The following TBC1D22B variants were observed in gnomAD, a reference collection of about 807,000 sequenced individuals.
The protein encoded by TBC1D22B is TBC1 domain family member 22B, also known as chromosome 6 open reading frame 197.
In TBC1D22B, 32 loss-of-function variants were observed where a neutral mutation model predicts 69.1. That is an observed-to-expected ratio of 0.46 (90% confidence interval 0.35 to 0.62). TBC1D22B has a LOEUF of 0.62. Ranked by LOEUF, TBC1D22B falls within the 20% of genes least tolerant of loss-of-function variation. TBC1D22B has a pLI of 0.00. For missense variants in TBC1D22B, 462 were observed against 630.9 expected, an observed-to-expected ratio of 0.73 and a Z score of 2.87; for synonymous variants, 206 against 229.8, an observed-to-expected ratio of 0.90 and a Z score of 0.94.
intron 1 of TBC1D22B, among the ~76,000 whole-genome samples, chr6:37,263,789 T>A (rs1766183471): frequency 6.6e-6 from 1 of 152,174 alleles, no homozygotes; most frequent in Admixed American, 6.5e-5. Flanking sequence ...TTTCACCATT[T>A]TGGCCAGGAT....
At chr6:37,310,824 A>G (rs1767887914) in intron 8 of TBC1D22B, among the ~76,000 whole-genome samples, 1 of 152,194 alleles carries the variant, frequency 6.6e-6, no homozygotes. Context: ...TTCCTAAAAT[A>G]CTGTGCATAT....
intron 12 of TBC1D22B, among the ~76,000 whole-genome samples, chr6:37,319,260 G>A (rs538749046): frequency 3.0e-4 from 45 of 152,372 alleles, no homozygotes; most frequent in African/African-American, 1.0e-3. Context: ...GGCATTCCAG[G>A]ATAAATGAGG....
chr6:37,304,298 A>G (rs949552404), intron 8 of TBC1D22B, among the ~76,000 whole-genome samples: 1 of 152,216 alleles, frequency 6.6e-6, no homozygotes, highest in Non-Finnish European at 1.5e-5. Flanking sequence ...ACTTCTAGGT[A>G]TTTATTCAAG....
intron 6 of TBC1D22B, among the ~76,000 whole-genome samples, chr6:37,285,355 C>T (rs1383652264): frequency 1.0e-5 from 1 of 99,844 alleles, no homozygotes; most frequent in Non-Finnish European, 1.7e-5. Context: ...GATGGAGTCT[C>T]ACTCTGTCGT....
intron 2 of TBC1D22B, among the ~76,000 whole-genome samples, chr6:37,272,834 A>C (rs1766536733): frequency 6.6e-6 from 1 of 152,182 alleles, no homozygotes; most frequent in South Asian, 2.1e-4. Flanking sequence ...TACCTAACTG[A>C]TAGTCTTCCC....
intron 12 of TBC1D22B, among the ~76,000 whole-genome samples, chr6:37,317,595 A>G (rs1768120651): frequency 6.6e-6 from 1 of 152,226 alleles, no homozygotes; most frequent in African/African-American, 2.4e-5. Flanking sequence ...GGGGAGACAT[A>G]CAGTAAATAA....
chr6:37,326,639 T>C (rs1768412928), intron 12 of TBC1D22B, among the ~76,000 whole-genome samples: 1 of 151,662 alleles, frequency 6.6e-6, no homozygotes, highest in African/African-American at 2.4e-5. Context: ...TAAAAAACAA[T>C]TAACCAGGCA....
At chr6:37,324,429 G>A (rs767147907) in intron 12 of TBC1D22B, 3 of 453,770 alleles carry the variant, frequency 6.6e-6, no homozygotes, top group South Asian at 4.7e-5. Context: ...TCAGCTGTAA[G>A]ACAAACTGGA....
At chr6:37,292,497 G>C (rs1053402582) in intron 8 of TBC1D22B, among the ~76,000 whole-genome samples, 5 of 152,034 alleles carry the variant, frequency 3.3e-5, no homozygotes, top group Non-Finnish European at 7.4e-5. Context: ...CGCCTTAATA[G>C]ATCAACTTTT....
rs572453690 is a variant in TBC1D22B at position 37,301,083 on chromosome 6, A to G, written c.982+9726A>G. 1.6e-4 allele frequency among the ~76,000 whole-genome samples: 25 copies of G among 152,292 alleles called. No individual in the cohort carries two copies. The Middle Eastern group carries it at 0.01, about 62-fold the overall frequency. On this transcript the variant is annotated intron_variant, in intron 8 of 12. Transcript: ENST00000373491. ...ATAGCATGTGTCCTTTTGTAAACCA[A>G]CTTTTACTTTGCATAATGTCTTCCA...
At position 37,269,577 on chromosome 6, in the gene TBC1D22B, T is replaced by G. The variant is rs1159505216; in HGVS notation, c.57-17T>G. On this transcript the variant is annotated splice_polypyrimidine_tract_variant and intron_variant, in intron 1 of 12. Coordinates refer to ENST00000373491, the MANE Select transcript of TBC1D22B (RefSeq NM_017772.4). ...CTAACTAAACTAACTATTTCTTCCT[T>G]TTGTTTTTGCTTTTAGCATTCAGCC... 1 of 1,613,852 alleles carries G rather than the reference T, an allele frequency of 6.2e-7. No individual in the cohort carries two copies. Among genetic ancestry groups the G allele is most frequent in the Non-Finnish European group, 8.5e-7 (1 of 1,179,872 alleles).
intron 8 of TBC1D22B, among the ~76,000 whole-genome samples, chr6:37,309,355 T>A (rs1031720636): frequency 4.6e-5 from 7 of 152,218 alleles, no homozygotes; most frequent in Non-Finnish European, 1.0e-4. Flanking sequence ...GAACTGGGGC[T>A]CTTGCTCTCT....
chr6:37,300,694 T>C (rs1767539488), intron 8 of TBC1D22B, among the ~76,000 whole-genome samples: 1 of 152,064 alleles, frequency 6.6e-6, no homozygotes, highest in Admixed American at 6.6e-5. Context: ...TTAAAAAAAA[T>C]TCCCCCCACC....
intron 1 of TBC1D22B, chr6:37,258,202 G>A (rs1184545619): frequency 7.2e-6 from 4 of 557,450 alleles, no homozygotes; most frequent in African/African-American, 1.9e-5. Context: ...TTTCAGGAGG[G>A]GTGACCTCAG....
At chr6:37,279,113 C>T (rs1192564573) in intron 2 of TBC1D22B, among the ~76,000 whole-genome samples, 191 bp from the exon 3 acceptor site, 1 of 152,198 alleles carries the variant, frequency 6.6e-6, no homozygotes, top group Non-Finnish European at 1.5e-5. Context: ...GTCTCTGCTA[C>T]ATCTGTCTCT....
intron 12 of TBC1D22B, among the ~76,000 whole-genome samples, chr6:37,323,950 T>C (rs1364335684): frequency 1.3e-5 from 2 of 152,186 alleles, no homozygotes; most frequent in Non-Finnish European, 2.9e-5. Context: ...GCCAAATTCC[T>C]AGATTCAGGA....
intron 7 of TBC1D22B, among the ~76,000 whole-genome samples, chr6:37,287,296 TG>T (rs1376969481): frequency 1.1e-4 from 16 of 152,256 alleles, no homozygotes; most frequent in African/African-American, 3.9e-4. Flanking sequence ...TGAGGCTACC[TG>T]GTGGCAGAAT....
chr6:37,317,903 T>C (rs949713669), intron 12 of TBC1D22B, among the ~76,000 whole-genome samples: 1 of 152,078 alleles, frequency 6.6e-6, no homozygotes, highest in Non-Finnish European at 1.5e-5. Flanking sequence ...TGACGGTCAC[T>C]GGTGTGGCCT....
intron 1 of TBC1D22B, among the ~76,000 whole-genome samples, chr6:37,261,944 AGTGTGTGTGT>A (rs70977641): frequency 0.17 from 20,104 of 118,536 alleles, 2,066 homozygotes; most frequent in Middle Eastern, 0.26. Context: ...AGCTTTGGTC[AGTGTGTGTGT>A]GTGTGTGTGT....
Sources: allele counts gnomAD v4.1 joint callset (sites outside exome capture counted in the v4.1 genomes callset), GRCh38; gene constraint gnomAD v4.1.1; transcripts MANE v1.5; gene names NCBI Gene and HGNC (gene_info 2026-07-23, HGNC 2026-07-21).